Variants in SMAD4 observed in about 807,000 individuals in gnomAD.
The protein encoded by SMAD4 is MAD homolog 4.
SMAD4 carries 7 observed loss-of-function variants against 63.2 expected under a neutral mutation model. That is an observed-to-expected ratio of 0.11 (90% CI 0.06 to 0.21). The LOEUF (loss-of-function observed/expected upper bound fraction) is 0.21. SMAD4 is among the 10% of genes least tolerant of loss of function. The pLI is 1.00. For synonymous variants in SMAD4, 215 were observed against 235.4 expected (o/e 0.91, Z 0.79); for missense variants, 312 against 693.8 (o/e 0.45, Z 6.18).
intron 10 of SMAD4, among the ~76,000 whole-genome samples, chr18:51,069,314 C>T (rs1397940794): frequency 3.3e-5 from 5 of 152,068 alleles, no homozygotes; most frequent in African/African-American, 9.7e-5. Context: ...GGGGTTTCAC[C>T]GTGTTGGCCA....
chr18:51,084,096 GCACA>G lies in SMAD4; in HGVS notation c.*5637_*5640del, dbSNP rs368759758. On this transcript the variant is annotated 3_prime_UTR_variant, in exon 12 of 12. Transcript: ENST00000342988. ...TGACATTCTAGCTTTTGAATTGCGT[GCACA>G]CACACACGCACGCACACACTCTGGT... is the stretch of plus-strand genomic sequence containing the variant. 0.032 allele frequency: 7,314 copies of G among 230,718 alleles called. 322 individuals carry two copies. The highest frequency in any genetic ancestry group is 0.11 in the African/African-American group (4,834 of 44,962). The allele number at this position is 230,718 out of a possible 1,614,324, so 14.3% of individuals were successfully genotyped here.
At position 51,066,993 on chromosome 18, in the gene SMAD4, A is replaced by C. The variant is rs1305321210; in HGVS notation, c.1140-26A>C. On this transcript the variant is annotated intron_variant, in intron 9 of 11. Coordinates refer to ENST00000342988, the MANE Select transcript of SMAD4 (RefSeq NM_005359.6). ...TAATTTAAAATACTTATCAAGATAAAATGTAATTTCTTTTTTCTTCCTAAG... is the reference window on the plus strand; with the variant it reads ...TAATTTAAAATACTTATCAAGATAACATGTAATTTCTTTTTTCTTCCTAAG... 3.8e-6 allele frequency: 6 copies of C among 1,561,458 alleles called. No homozygotes were observed. Among genetic ancestry groups the C allele is most frequent in the Non-Finnish European group, 5.3e-6 (6 of 1,132,208 alleles).
Position 51,081,978 on chromosome 18 carries a change from T to C in SMAD4, c.*3511T>C. ...CAGAGTCACATTAGTTCACACCCTT[T>C]CTGAGAGCCTTTTGGGAGAAGCAGT... On this transcript the variant is annotated 3_prime_UTR_variant, in exon 12 of 12. Coordinates refer to ENST00000342988, the MANE Select transcript of SMAD4 (RefSeq NM_005359.6). 4.3e-6 allele frequency: 1 copy of C among 232,040 alleles called. No individual in the cohort carries two copies. The highest frequency in any genetic ancestry group is 2.2e-5 in the African/African-American group (1 of 45,412). The allele number at this position is 232,040 out of a possible 1,614,324, so 14.4% of individuals were successfully genotyped here.
intron 8 of SMAD4, among the ~76,000 whole-genome samples, 174 bp from the exon 9 acceptor site, chr18:51,065,249 A>C (rs1312544666): frequency 6.6e-6 from 1 of 152,216 alleles, no homozygotes; most frequent in Non-Finnish European, 1.5e-5. Flanking sequence ...GAAGACATGG[A>C]AATTCCTACC....
At position 51,078,526 on chromosome 18, in the gene SMAD4, C is replaced by T. The variant is rs1475409125; in HGVS notation, c.*59C>T. On this transcript the variant is annotated 3_prime_UTR_variant, in exon 12 of 12. Coordinates refer to ENST00000342988, the MANE Select transcript of SMAD4 (RefSeq NM_005359.6). ...GGATGGTGGACTACAAAATACAATC[C>T]TGTTTATAATCTGAAGATATATTTC... is the stretch of plus-strand genomic sequence containing the variant. 2 of 1,150,030 alleles carry T rather than the reference C, an allele frequency of 1.7e-6. No individual in the cohort carries two copies. The highest frequency in any genetic ancestry group is 2.6e-6 in the Non-Finnish European group (2 of 775,994). 71.2% of individuals were successfully genotyped at this position (1,150,030 alleles called of 1,614,324 possible).
At chr18:51,052,748 G>T in intron 4 of SMAD4, 1 of 200,580 alleles carries the variant, frequency 5.0e-6, no homozygotes. Context: ...TTTAGTTTCT[G>T]GTGTTTCCTT....
intron 9 of SMAD4, among the ~76,000 whole-genome samples, chr18:51,066,452 G>A (rs1291829101): frequency 1.3e-5 from 2 of 151,544 alleles, no homozygotes; most frequent in Admixed American, 1.3e-4. Context: ...TTAAGGATGT[G>A]TGTGCTAAAG....
chr18:51,044,125 G>A (rs1040071301), intron 1 of SMAD4, among the ~76,000 whole-genome samples: 3 of 152,134 alleles, frequency 2.0e-5, no homozygotes, highest in East Asian at 1.9e-4. Context: ...GTAATTTAAC[G>A]TATCTTTCCT....
At chr18:51,065,847 TAGTA>T (rs1388882585) in intron 9 of SMAD4, among the ~76,000 whole-genome samples, 4 of 152,226 alleles carry the variant, frequency 2.6e-5, no homozygotes, top group South Asian at 2.1e-4. Flanking sequence ...ATGTTTCGAA[TAGTA>T]AGTATACCTT....
At position 51,046,380 on chromosome 18, in the gene SMAD4, G is replaced by A. The variant is rs2144398413; in HGVS notation, c.-127-540G>A. On this transcript the variant is annotated intron_variant, in intron 1 of 11. Coordinates refer to ENST00000342988, the MANE Select transcript of SMAD4 (RefSeq NM_005359.6). The stretch of plus-strand genomic sequence containing the variant: ...GTCGAGCATCTTTCATGTGCTTATT[G>A]GCCATCGTCTTTGGAGAAGTGTCCT... Among the ~76,000 whole-genome samples the A allele has an allele frequency of 2.0e-5, 3 of 150,568 alleles. No homozygotes were observed. In the South Asian group the frequency reaches 6.3e-4, roughly 32 times the overall value.
At chr18:51,065,827 G>T (rs1460250159) in intron 9 of SMAD4, among the ~76,000 whole-genome samples, 1 of 152,064 alleles carries the variant, frequency 6.6e-6, no homozygotes, top group Non-Finnish European at 1.5e-5. Context: ...TTTTATGTTA[G>T]TAGGTTTCTA....
chr18:51,073,388 T>TATATATATATATATACAC (rs1417299090), intron 10 of SMAD4, among the ~76,000 whole-genome samples: 14 of 64,162 alleles, frequency 2.2e-4, no homozygotes, highest in African/African-American at 9.2e-4. Flanking sequence ...TATATATATA[T>TATATATATATATATACAC]ACACACACAC....
At chr18:51,055,560 T>C (rs986620470) in intron 5 of SMAD4, among the ~76,000 whole-genome samples, 6 of 152,170 alleles carry the variant, frequency 3.9e-5, no homozygotes, top group Non-Finnish European at 7.3e-5. Flanking sequence ...GAAAGATCCT[T>C]CTTTTCTGCC....
At chr18:51,041,585 C>T (rs1163695065) in intron 1 of SMAD4, among the ~76,000 whole-genome samples, 1 of 152,178 alleles carries the variant, frequency 6.6e-6, no homozygotes, top group African/African-American at 2.4e-5. Flanking sequence ...CCAAGTGTCC[C>T]CTGAGGGACA....
intron 1 of SMAD4, among the ~76,000 whole-genome samples, chr18:51,043,105 G>T (rs1909437988): frequency 6.6e-6 from 1 of 152,096 alleles, no homozygotes; most frequent in South Asian, 2.1e-4. Flanking sequence ...TATAGTTAGG[G>T]CATTGTTAAA....
intron 2 of SMAD4, 29 bp from the exon 3 acceptor site, chr18:51,048,657 C>G (rs2144404919): frequency 6.3e-7 from 1 of 1,598,670 alleles, no homozygotes; most frequent in South Asian, 1.1e-5. Flanking sequence ...TAATGTGACA[C>G]ATGAATAAAT....
At chr18:51,075,547 T>A (rs1266745658) in intron 10 of SMAD4, among the ~76,000 whole-genome samples, 2 of 152,170 alleles carry the variant, frequency 1.3e-5, no homozygotes, top group Non-Finnish European at 2.9e-5. Context: ...TCCTGCAAAT[T>A]CTTTTTGTGT....
chr18:51,073,388 T>TATACACACACACAC (rs1417299090), intron 10 of SMAD4, among the ~76,000 whole-genome samples: 2 of 64,160 alleles, frequency 3.1e-5, no homozygotes, highest in African/African-American at 7.6e-5. Flanking sequence ...TATATATATA[T>TATACACACACACAC]ACACACACAC....
At chr18:51,065,974 A>C (rs1350759238) in intron 9 of SMAD4, among the ~76,000 whole-genome samples, 1 of 152,202 alleles carries the variant, frequency 6.6e-6, no homozygotes, top group Non-Finnish European at 1.5e-5. Context: ...TATAATGTTA[A>C]AAAAATTGGT....
Sources: gnomAD v4.1 joint callset for allele counts (sites outside exome capture counted in the v4.1 genomes callset) on GRCh38, gnomAD v4.1.1 for gene constraint, MANE v1.5 for transcripts, NCBI Gene and HGNC (gene_info 2026-07-23, HGNC 2026-07-21) for gene names.